BBS9: variants seen among roughly 807,000 people sequenced by gnomAD.
BBS9 encodes the protein protein PTHB1.
In BBS9, 89 loss-of-function variants were observed where a neutral mutation model predicts 117.7. The ratio of observed to expected loss-of-function variants is 0.76; its 90% CI spans 0.64 to 0.90. The LOEUF (loss-of-function observed/expected upper bound fraction) is 0.90, where lower values mean the gene tolerates loss of function less well. Ranked by LOEUF, BBS9 falls within the 40% of genes least tolerant of loss-of-function variation. The pLI is 0.00. For missense variants in BBS9, 982 were observed against 1,042.2 expected (o/e 0.94, Z 0.80); for synonymous variants, 379 against 370.9 (o/e 1.02, Z -0.25).
chr7:33,258,487 G>A (rs1253904640), intron 6 of BBS9, among the ~76,000 whole-genome samples: 2 of 152,126 alleles, frequency 1.3e-5, no homozygotes, highest in Non-Finnish European at 2.9e-5. Context: ...GAATTTAACC[G>A]ATTTAGGAAG....
At position 33,485,079 on chromosome 7, in the gene BBS9, T is replaced by C. The variant is rs1274426574; in HGVS notation, c.2116-20384T>C. On this transcript the variant is annotated intron_variant, in intron 19 of 22. Coordinates refer to ENST00000242067, the MANE Select transcript of BBS9 (RefSeq NM_198428.3). ...AACACCTCATGTTCTCACTTATAAG[T>C]GGGAGCTGAACGATGAGAACACATG... Among the ~76,000 whole-genome samples the C allele has an allele frequency of 3.3e-5, 5 of 152,072 alleles. No individual in the cohort carries two copies. The East Asian group carries it at 5.8e-4, about 18-fold the overall frequency.
At chr7:33,419,131 C>T (rs1382572220) in intron 19 of BBS9, among the ~76,000 whole-genome samples, 1 of 151,942 alleles carries the variant, frequency 6.6e-6, no homozygotes, top group East Asian at 1.9e-4. Flanking sequence ...AATTTAAGCT[C>T]AAACTGTAGT....
chr7:33,152,799 G>C lies in BBS9; in HGVS notation c.211G>C (p.Glu71Gln), dbSNP rs376183075. 3 of 1,613,774 alleles carry C rather than the reference G, an allele frequency of 1.9e-6. No homozygotes were observed. In the African/African-American group the frequency reaches 4.0e-5, roughly 22 times the overall value. The change falls in exon 3 of 23, where the codon GAA becomes CAA. Residue 71 changes from glutamate (E) to glutamine (Q), a missense_variant. Glu to Gln is a conservative substitution (Grantham distance 29). Coordinates refer to ENST00000242067, the MANE Select transcript of BBS9 (RefSeq NM_198428.3). The part of the protein sequence containing the change: ...DGAQAEDLLL[E>Q]VDLRDPVLQV... Reference sequence around the variant, plus strand: ...AGCTCAAGCCGAAGATTTGCTTCTAGAAGTGGATCTACGAGATCCAGTACT... The same window carrying C: ...AGCTCAAGCCGAAGATTTGCTTCTACAAGTGGATCTACGAGATCCAGTACT...
chr7:33,608,518 C>T (rs1563444255), downstream of BBS9, among the ~76,000 whole-genome samples: 1 of 152,076 alleles, frequency 6.6e-6, no homozygotes, highest in Non-Finnish European at 1.5e-5. Flanking sequence ...CAAGCATTTC[C>T]TTTTCCCCAC....
At chr7:33,618,144 AACCT>A (rs1259638598) in intron 21 of BBS9, among the ~76,000 whole-genome samples, 56 of 152,276 alleles carry the variant, frequency 3.7e-4, no homozygotes, top group Middle Eastern at 3.4e-3. Context: ...ATTAGAGACC[AACCT>A]GGGCAACATA....
chr7:33,362,359 TTC>T (rs1820779277), intron 16 of BBS9, among the ~76,000 whole-genome samples: 1 of 152,070 alleles, frequency 6.6e-6, no homozygotes, highest in African/African-American at 2.4e-5. Flanking sequence ...GTTGCAAAGT[TTC>T]TCTCTCTTTT....
chr7:33,219,124 C>T (rs2128236222), intron 5 of BBS9, among the ~76,000 whole-genome samples: 1 of 152,330 alleles, frequency 6.6e-6, no homozygotes, highest in South Asian at 2.1e-4. Flanking sequence ...CCCAGGCCAG[C>T]AGCTGCGGAG....
At chr7:33,209,478 G>A (rs7809540) in intron 5 of BBS9, among the ~76,000 whole-genome samples, 125,454 of 152,112 alleles carry the variant, frequency 0.82, 51,757 homozygotes, top group Admixed American at 0.86. Context: ...GGATTGCTGG[G>A]TCATATGGTA....
At chr7:33,285,456 C>G (rs56394409) in intron 9 of BBS9, among the ~76,000 whole-genome samples, 2,656 of 152,166 alleles carry the variant, frequency 0.017, 24 homozygotes, top group Middle Eastern at 0.027. Context: ...ACTATTGGTA[C>G]CTCAGTAAAC....
intron 16 of BBS9, among the ~76,000 whole-genome samples, chr7:33,361,267 T>A (rs1820565419): frequency 6.6e-6 from 1 of 152,238 alleles, no homozygotes; most frequent in Non-Finnish European, 1.5e-5. Context: ...AAAATTTTAC[T>A]TAAATGTAAT....
At chr7:33,294,396 T>TCCATCCATCCAC (rs1804839427) in intron 9 of BBS9, among the ~76,000 whole-genome samples, 1 of 151,582 alleles carries the variant, frequency 6.6e-6, no homozygotes, top group African/African-American at 2.4e-5. Context: ...CATCCATCCA[T>TCCATCCATCCAC]CCATCCACCC....
intron 21 of BBS9, among the ~76,000 whole-genome samples, chr7:33,597,969 G>C (rs969502353): frequency 2.0e-5 from 3 of 151,816 alleles, no homozygotes; most frequent in Non-Finnish European, 1.5e-5. Context: ...TGATCTCATG[G>C]CATGCTCACA....
chr7:33,382,773 A>G (rs2128746879), intron 17 of BBS9, among the ~76,000 whole-genome samples: 1 of 152,324 alleles, frequency 6.6e-6, no homozygotes, highest in South Asian at 2.1e-4. Flanking sequence ...CATGGATATC[A>G]GAGAAATCAA....
At chr7:33,240,806 G>T (rs1458630803) in intron 5 of BBS9, among the ~76,000 whole-genome samples, 1 of 152,038 alleles carries the variant, frequency 6.6e-6, no homozygotes, top group African/African-American at 2.4e-5. Context: ...CGTTTTACCT[G>T]TATTAGTTTT....
At chr7:33,634,529 A>G (rs80263282) in intron 21 of BBS9, among the ~76,000 whole-genome samples, 110 of 152,296 alleles carry the variant, frequency 7.2e-4, no homozygotes, top group African/African-American at 2.5e-3. Flanking sequence ...ACATAAGAGC[A>G]TTTCTAGACC....
At chr7:33,594,131 G>A (rs80213543) in intron 21 of BBS9, among the ~76,000 whole-genome samples, 4,673 of 152,120 alleles carry the variant, frequency 0.031, 110 homozygotes, top group South Asian at 0.055. Context: ...CAGCCTTTAC[G>A]GGGGTTTTAA....
intron 5 of BBS9, among the ~76,000 whole-genome samples, chr7:33,198,455 A>T (rs1221557823): frequency 2.6e-5 from 4 of 152,006 alleles, no homozygotes; most frequent in African/African-American, 9.6e-5. Flanking sequence ...TCTTTCATTT[A>T]CCAAGGGAAC....
At chr7:33,568,636 A>G (rs531177749) in intron 21 of BBS9, among the ~76,000 whole-genome samples, 22 of 152,298 alleles carry the variant, frequency 1.4e-4, no homozygotes, top group African/African-American at 4.8e-4. Flanking sequence ...GGTTTTGCCA[A>G]TGTCATCATG....
intron 18 of BBS9, among the ~76,000 whole-genome samples, chr7:33,386,941 C>T (rs960978435): frequency 6.6e-6 from 1 of 152,090 alleles, no homozygotes; most frequent in African/African-American, 2.4e-5. Context: ...ATATCCTATG[C>T]AGTCACAACT....
Sources: allele counts gnomAD v4.1 joint callset (sites outside exome capture counted in the v4.1 genomes callset), GRCh38; gene constraint gnomAD v4.1.1; transcripts MANE v1.5; gene names NCBI Gene and HGNC (gene_info 2026-07-23, HGNC 2026-07-21).